Variants in TCF20 observed in about 807,000 individuals in gnomAD.
The protein encoded by TCF20 is SPRE-binding protein.
Under a neutral mutation model 148.6 loss-of-function variants are expected in TCF20, and 3 were observed. The observed-to-expected ratio is 0.02, with a 90% CI of 0.01 to 0.05. The LOEUF (loss-of-function observed/expected upper bound fraction) is 0.05. TCF20 is among the 10% of genes least tolerant of loss of function. The probability of loss-of-function intolerance (pLI) is 1.00; values close to 1 mark genes in which losing one functional copy is unlikely to be tolerated. For synonymous variants in TCF20, 1,049 were observed against 909.5 expected, an observed-to-expected ratio of 1.15 and a Z score of -2.76; for missense variants, 2,350 against 2,429.3, an observed-to-expected ratio of 0.97 and a Z score of 0.69.
chr22:42,214,040 T>C lies in TCF20; in HGVS notation c.1266A>G (p.Pro422=). 6.2e-7 allele frequency: 1 copy of C among 1,614,186 alleles called. No homozygotes were observed. Among genetic ancestry groups the C allele is most frequent in the Non-Finnish European group, 8.5e-7 (1 of 1,180,030 alleles). The change falls in exon 2 of 6, where the codon CCA becomes CCG. Residue 422 remains proline (P), a synonymous_variant. Coordinates refer to ENST00000677622, the MANE Select transcript of TCF20 (RefSeq NM_001378418.1). The part of the protein sequence containing the change: ...LQLMPQLSPT[P]SMMPSPNSHA... Reference sequence around the variant, plus strand: ...GAGAATTAGGACTGGGCATCATTGATGGGGTTGGACTGAGTTGAGGCATTA... The same window carrying C: ...GAGAATTAGGACTGGGCATCATTGACGGGGTTGGACTGAGTTGAGGCATTA...
chr22:42,165,926 A>T (rs1935756648), intron 5 of TCF20, among the ~76,000 whole-genome samples: 1 of 152,224 alleles, frequency 6.6e-6, no homozygotes, highest in Admixed American at 6.5e-5. Context: ...GGAGGCAGAC[A>T]CACACGCACA....
chr22:42,328,789 C>T (rs1927918725), intron 1 of TCF20, among the ~76,000 whole-genome samples: 1 of 152,206 alleles, frequency 6.6e-6, no homozygotes, highest in Non-Finnish European at 1.5e-5. Flanking sequence ...AACCCCTTTG[C>T]TAAAGCTTGC....
chr22:42,257,874 A>C (rs1337737609), intron 1 of TCF20, among the ~76,000 whole-genome samples: 1 of 152,202 alleles, frequency 6.6e-6, no homozygotes, highest in African/African-American at 2.4e-5. Flanking sequence ...CCTTTCTTCC[A>C]TCTTATTCTG....
intron 1 of TCF20, among the ~76,000 whole-genome samples, chr22:42,294,631 C>G (rs984566470): frequency 6.6e-6 from 1 of 152,218 alleles, no homozygotes; most frequent in Non-Finnish European, 1.5e-5. Flanking sequence ...ACAGCGGCCA[C>G]TGATGGAGGC....
intron 3 of TCF20, among the ~76,000 whole-genome samples, chr22:42,174,789 A>G (rs1251428787): frequency 6.6e-6 from 1 of 151,718 alleles, no homozygotes; most frequent in Admixed American, 6.6e-5. Context: ...TAATCCCAGC[A>G]CTTTGGGGGG....
chr22:42,172,214 G>A (rs956325403), intron 3 of TCF20, among the ~76,000 whole-genome samples: 2 of 152,208 alleles, frequency 1.3e-5, no homozygotes, highest in African/African-American at 4.8e-5. Context: ...CACAATTCAC[G>A]TTCCTGGCAG....
chr22:42,161,317 CCATCA>C lies in TCF20; in HGVS notation c.*81_*85del. The C allele has an allele frequency of 1.9e-6, 3 of 1,613,916 alleles. No individual in the cohort carries two copies. Among genetic ancestry groups the C allele is most frequent in the Non-Finnish European group, 2.5e-6 (3 of 1,179,970 alleles). On this transcript the variant is annotated 3_prime_UTR_variant, in exon 6 of 6. Coordinates refer to ENST00000677622, the MANE Select transcript of TCF20 (RefSeq NM_001378418.1). ...GCTGCACGGTAGGACGATTTCCATT[CCATCA>C]CGAGTGTCCACCACCTTCTCATCTC...
At chr22:42,303,539 G>C (rs560072164) in intron 1 of TCF20, among the ~76,000 whole-genome samples, 1 of 152,386 alleles carries the variant, frequency 6.6e-6, no homozygotes, top group African/African-American at 2.4e-5. Context: ...AGTATGCAGA[G>C]AACTGAAGTA....
At chr22:42,173,320 C>T (rs1459832994) in intron 3 of TCF20, among the ~76,000 whole-genome samples, 1 of 151,046 alleles carries the variant, frequency 6.6e-6, no homozygotes, top group Non-Finnish European at 1.5e-5. Context: ...GTGCCTATGA[C>T]ATAACAAGCA....
At chr22:42,266,721 G>GT (rs1173016841) in intron 1 of TCF20, among the ~76,000 whole-genome samples, 1 of 152,198 alleles carries the variant, frequency 6.6e-6, no homozygotes, top group East Asian at 1.9e-4. Flanking sequence ...GAAGGTTGCA[G>GT]TGAGCAGAGA....
At chr22:42,283,753 G>C (rs1169965964) in intron 1 of TCF20, among the ~76,000 whole-genome samples, 1 of 151,684 alleles carries the variant, frequency 6.6e-6, no homozygotes, top group African/African-American at 2.4e-5. Flanking sequence ...GCGCGGCGGA[G>C]CACCCGGCGG....
At chr22:42,272,495 C>T (rs1453659684), upstream of TCF20, among the ~76,000 whole-genome samples, 1 of 152,160 alleles carries the variant, frequency 6.6e-6, no homozygotes, top group African/African-American at 2.4e-5. Context: ...AGATGCAGGG[C>T]CCGGGGGATG....
chr22:42,291,780 G>A (rs1441741938), intron 1 of TCF20, among the ~76,000 whole-genome samples: 1 of 151,942 alleles, frequency 6.6e-6, no homozygotes. Flanking sequence ...CCTAGGAGGG[G>A]CCTCTTGAGC....
At chr22:42,265,653 G>A (rs1926246254) in intron 1 of TCF20, among the ~76,000 whole-genome samples, 1 of 152,222 alleles carries the variant, frequency 6.6e-6, no homozygotes, top group African/African-American at 2.4e-5. Context: ...CAGAATGAAT[G>A]AGTACTAAGG....
intron 1 of TCF20, among the ~76,000 whole-genome samples, chr22:42,294,180 G>A (rs967837967): frequency 2.6e-5 from 4 of 151,978 alleles, no homozygotes; most frequent in African/African-American, 4.8e-5. Flanking sequence ...CCGCCAGCCC[G>A]CTCCACCCCG....
chr22:42,221,894 G>A (rs919452542), intron 1 of TCF20, among the ~76,000 whole-genome samples: 2 of 151,762 alleles, frequency 1.3e-5, no homozygotes, highest in South Asian at 2.1e-4. Context: ...GCCCACCACC[G>A]TGCCTGGCTG....
chr22:42,206,762 T>C (rs1335580704), intron 2 of TCF20, among the ~76,000 whole-genome samples: 1 of 152,202 alleles, frequency 6.6e-6, no homozygotes, highest in Non-Finnish European at 1.5e-5. Flanking sequence ...TGAATTAAAA[T>C]GTTCTAATTT....
In TCF20 at chr22:42,210,361, T is replaced by C. The variant is rs113758052; in HGVS notation, c.4945A>G (p.Ile1649Val). ...NKCELGAVCT[I>V]INAEEEEQTK... is the part of the protein sequence containing the mutation. ...TGTTCTTCTTCCTCAGCATTGATGA[T>C]TGTACAAACGGCTCCAAGTTCACAC... Residue 1649 changes from isoleucine to valine, a missense_variant, in exon 2 of 6, where the codon ATC (isoleucine) becomes GTC (valine). Ile to Val is a conservative substitution (Grantham distance 29). Around this residue, in one of 7 missense-constraint regions of TCF20, gnomAD observed 374 missense variants for 398.3 expected, o/e 0.94. Transcript: ENST00000677622. The surrounding 1 kb of genome is among the most constrained non-coding windows in gnomAD (Gnocchi z 4.7). The C allele has an allele frequency of 5.0e-6, 8 of 1,614,232 alleles. No individual in the cohort carries two copies. Among genetic ancestry groups the C allele is most frequent in the East Asian group, 2.2e-5 (1 of 44,894 alleles).
At chr22:42,200,571 G>T (rs1937934593) in intron 2 of TCF20, among the ~76,000 whole-genome samples, 1 of 151,370 alleles carries the variant, frequency 6.6e-6, no homozygotes, top group Non-Finnish European at 1.5e-5. Flanking sequence ...GAAACTGGGG[G>T]GTGGAGGTTG....
Sources: allele counts gnomAD v4.1 joint callset (sites outside exome capture counted in the v4.1 genomes callset), GRCh38; gene constraint gnomAD v4.1.1; regional missense constraint gnomAD v4.1.1; non-coding constraint Gnocchi (gnomAD v3.1); transcripts MANE v1.5; gene names NCBI Gene and HGNC (gene_info 2026-07-23, HGNC 2026-07-21).